QKI: variants seen among roughly 807,000 people sequenced by gnomAD.
The protein encoded by QKI is KH domain-containing RNA-binding protein QKI.
A neutral mutation model predicts 39.0 loss-of-function variants in QKI; 10 were observed. The ratio of observed to expected loss-of-function variants is 0.26; its 90% CI spans 0.16 to 0.43. The LOEUF (loss-of-function observed/expected upper bound fraction) is 0.43. QKI is among the 20% of genes least tolerant of loss of function. The probability of loss-of-function intolerance (pLI) is 1.00; values close to 1 mark genes in which losing one functional copy is unlikely to be tolerated. For missense variants in QKI, 218 were observed against 428.0 expected, an observed-to-expected ratio of 0.51 and a Z score of 4.33; for synonymous variants, 204 against 155.4, an observed-to-expected ratio of 1.31 and a Z score of -2.33.
At chr6:163,502,170 A>G (rs1274120954) in intron 3 of QKI, among the ~76,000 whole-genome samples, 3 of 152,028 alleles carry the variant, frequency 2.0e-5, no homozygotes, top group African/African-American at 7.2e-5. Context: ...AAAAAATACA[A>G]AAACTAGCCA....
chr6:163,428,818 C>T (rs1224690079), intron 1 of QKI, among the ~76,000 whole-genome samples: 1 of 151,478 alleles, frequency 6.6e-6, no homozygotes, highest in Non-Finnish European at 1.5e-5. Context: ...TTGAACTCTG[C>T]ACAGGAGAGA....
intron 2 of QKI, among the ~76,000 whole-genome samples, chr6:163,469,432 A>G (rs1181665014): frequency 1.3e-5 from 2 of 152,136 alleles, no homozygotes; most frequent in African/African-American, 4.8e-5. Context: ...GTTAGTGACA[A>G]TTTGGGAAAA....
At chr6:163,480,604 A>G (rs369997913) in intron 3 of QKI, among the ~76,000 whole-genome samples, 1 of 152,292 alleles carries the variant, frequency 6.6e-6, no homozygotes, top group African/African-American at 2.4e-5. Flanking sequence ...GTTTAAAGAT[A>G]TGTTCATGGG....
At chr6:163,448,042 A>G (rs887982817) in intron 1 of QKI, among the ~76,000 whole-genome samples, 1 of 152,210 alleles carries the variant, frequency 6.6e-6, no homozygotes, top group Non-Finnish European at 1.5e-5. Context: ...GTTCTTTTCT[A>G]TAACCCCAGG....
Position 163,571,614 on chromosome 6 carries a change from G to A in QKI, c.*904G>A, listed in dbSNP as rs759840083. Reference sequence around the variant, plus strand: ...AATTGTAGATAAAGTGTAGTGCATTGAAACAAATGAACAAAAAGTAGATAC... The same window carrying A: ...AATTGTAGATAAAGTGTAGTGCATTAAAACAAATGAACAAAAAGTAGATAC... On this transcript the variant is annotated 3_prime_UTR_variant, in exon 8 of 8. Transcript: ENST00000361752. 10 of 151,246 alleles carry A rather than the reference G, an allele frequency of 6.6e-5. No individual in the cohort carries two copies. Among genetic ancestry groups the A allele is most frequent in the Non-Finnish European group, 1.2e-4 (8 of 67,886 alleles). 9.4% of individuals were successfully genotyped at this position (151,246 alleles called of 1,614,324 possible).
intron 6 of QKI, chr6:163,564,384 G>C: frequency 8.1e-7 from 1 of 1,238,628 alleles, no homozygotes; most frequent in Non-Finnish European, 1.0e-6. Context: ...GGACCACATA[G>C]TATAAGTGGT....
chr6:163,484,551 C>T (rs1049183342), intron 3 of QKI, among the ~76,000 whole-genome samples: 1 of 152,118 alleles, frequency 6.6e-6, no homozygotes, highest in African/African-American at 2.4e-5. Context: ...GGTCAATCAG[C>T]ATTTGCTTCA....
chr6:163,429,615 C>T (rs1043902143), intron 1 of QKI, among the ~76,000 whole-genome samples: 2 of 152,090 alleles, frequency 1.3e-5, no homozygotes, highest in African/African-American at 4.8e-5. Context: ...AATACTGTAA[C>T]TGGGAATTAT....
intron 6 of QKI, 41 bp downstream of exon 6, chr6:163,563,760 T>C: frequency 6.4e-7 from 1 of 1,560,770 alleles, no homozygotes; most frequent in Non-Finnish European, 8.7e-7. Context: ...ATTCTCTTTA[T>C]AAATATTTTT....
intron 3 of QKI, 114 bp downstream of exon 3, chr6:163,479,010 G>A (rs185926043): frequency 1.2e-6 from 1 of 857,916 alleles, no homozygotes; most frequent in African/African-American, 1.8e-5. Flanking sequence ...TCCAGGCCGG[G>A]CGCGGTGGCT....
At chr6:163,431,831 T>TA (rs34131160) in intron 1 of QKI, among the ~76,000 whole-genome samples, 48 of 140,842 alleles carry the variant, frequency 3.4e-4, no homozygotes, top group Middle Eastern at 7.2e-3. Flanking sequence ...CTGTTCTTAT[T>TA]AAAAAAAAAA....
At chr6:163,420,174 G>A (rs1309021050) in intron 1 of QKI, among the ~76,000 whole-genome samples, 11 of 127,254 alleles carry the variant, frequency 8.6e-5, no homozygotes, top group Non-Finnish European at 1.7e-4. Flanking sequence ...TTTTTTTTTG[G>A]TGGTTTTTTT....
At chr6:163,567,009 CTAT>C (rs1463245492) in intron 7 of QKI, 6 of 1,295,000 alleles carry the variant, frequency 4.6e-6, no homozygotes, top group African/African-American at 4.6e-5. Flanking sequence ...ATTAAATCTT[CTAT>C]TATTATGTAC....
chr6:163,475,725 A>G (rs1301835716), intron 2 of QKI, among the ~76,000 whole-genome samples: 4 of 152,220 alleles, frequency 2.6e-5, no homozygotes, highest in African/African-American at 7.2e-5. Context: ...ACAGACATCA[A>G]TTCCTGGTAC....
chr6:163,524,549 A>T (rs1051123618), intron 3 of QKI, among the ~76,000 whole-genome samples: 1 of 151,814 alleles, frequency 6.6e-6, no homozygotes, highest in African/African-American at 2.4e-5. Context: ...GCTCACCGCA[A>T]CCTCCACCTC....
chr6:163,545,972 A>G (rs981604997), intron 4 of QKI, among the ~76,000 whole-genome samples: 4 of 149,350 alleles, frequency 2.7e-5, no homozygotes, highest in South Asian at 2.1e-4. Flanking sequence ...GCTTGTACCT[A>G]TTAATTTAAA....
At chr6:163,470,157 C>T (rs1330186849) in intron 2 of QKI, among the ~76,000 whole-genome samples, 1 of 152,064 alleles carries the variant, frequency 6.6e-6, no homozygotes, top group Non-Finnish European at 1.5e-5. Context: ...TCTTTTTCTG[C>T]TGAGCACGTT....
intron 3 of QKI, among the ~76,000 whole-genome samples, chr6:163,502,195 T>C (rs1346393069): frequency 6.6e-6 from 1 of 151,986 alleles, no homozygotes; most frequent in African/African-American, 2.4e-5. Flanking sequence ...TGGTGGCCTG[T>C]GCCTGTGTTC....
intron 3 of QKI, among the ~76,000 whole-genome samples, chr6:163,510,766 A>T (rs920601398): frequency 6.6e-6 from 1 of 152,206 alleles, no homozygotes; most frequent in Non-Finnish European, 1.5e-5. Flanking sequence ...CATATCAATC[A>T]TAAGTGTATA....
Sources: gnomAD v4.1 joint callset for allele counts (sites outside exome capture counted in the v4.1 genomes callset) on GRCh38, gnomAD v4.1.1 for gene constraint, MANE v1.5 for transcripts, NCBI Gene and HGNC (gene_info 2026-07-23, HGNC 2026-07-21) for gene names.